Variants in PDE3B observed in about 807,000 individuals in gnomAD.
PDE3B encodes the protein cGMP-inhibited 3',5'-cyclic phosphodiesterase 3B.
In PDE3B, 66 loss-of-function variants were observed where a neutral mutation model predicts 116.8. The observed-to-expected ratio is 0.56, with a 90% confidence interval of 0.46 to 0.69. The LOEUF (loss-of-function observed/expected upper bound fraction) is 0.69, where lower values mean the gene tolerates loss of function less well. Ranked by LOEUF, PDE3B falls within the 30% of genes least tolerant of loss-of-function variation. The probability of loss-of-function intolerance (pLI) is 0.00; values close to 1 mark genes in which losing one functional copy is unlikely to be tolerated. For missense variants in PDE3B, 1,384 were observed against 1,368.1 expected, an observed-to-expected ratio of 1.01 and a Z score of -0.18; for synonymous variants, 595 against 533.6, an observed-to-expected ratio of 1.12 and a Z score of -1.59.
At chr11:14,745,127 G>T (rs1475475789) in intron 1 of PDE3B, among the ~76,000 whole-genome samples, 1 of 152,100 alleles carries the variant, frequency 6.6e-6, no homozygotes, top group Non-Finnish European at 1.5e-5. Flanking sequence ...ACCAGCCGAA[G>T]GTAGCTTTTT....
At chr11:14,847,011 C>G (rs1377909538) in intron 12 of PDE3B, among the ~76,000 whole-genome samples, 6 of 152,284 alleles carry the variant, frequency 3.9e-5, no homozygotes, top group Non-Finnish European at 8.8e-5. Context: ...CTACAGAACT[C>G]TCCACCCCAA....
intron 1 of PDE3B, among the ~76,000 whole-genome samples, chr11:14,729,282 T>A (rs1203316029): frequency 6.6e-6 from 1 of 152,246 alleles, no homozygotes; most frequent in Non-Finnish European, 1.5e-5. Context: ...TGTATTGTGA[T>A]TATTTCCTTC....
At chr11:14,734,844 A>T (rs1856555687) in intron 1 of PDE3B, among the ~76,000 whole-genome samples, 1 of 152,182 alleles carries the variant, frequency 6.6e-6, no homozygotes, top group South Asian at 2.1e-4. Context: ...CAATACAACC[A>T]CAAAAACCTT....
the PDE3B span, among the ~76,000 whole-genome samples, chr11:14,892,527 G>A: frequency 1.1e-4 from 17 of 152,194 alleles, no homozygotes; most frequent in Non-Finnish European, 2.4e-4. Context: ...CACTCACTGG[G>A]CTAGGCGGAT....
rs1555008279 is a variant in PDE3B, at chr11:14,867,605, G to A, written c.2986G>A (p.Val996Met). The A allele has an allele frequency of 5.0e-6, 8 of 1,614,080 alleles. No individual in the cohort carries two copies. The highest frequency in any genetic ancestry group is 6.8e-6 in the Non-Finnish European group (8 of 1,180,002). ...KLQESFITHIVGPLCNSYDAA... is the reference protein window; with the variant it reads ...KLQESFITHIMGPLCNSYDAA... Reference sequence around the variant, plus strand: ...CCAAGAATCTTTTATCACCCACATAGTGGGTCCCCTGTGTAACTCCTATGA... The same window carrying A: ...CCAAGAATCTTTTATCACCCACATAATGGGTCCCCTGTGTAACTCCTATGA... Residue 996 changes from valine to methionine, a missense_variant, in exon 15 of 16, where the codon GTG becomes ATG. By Grantham distance (21) the Val-to-Met change is conservative. Coordinates refer to ENST00000282096, the MANE Select transcript of PDE3B (RefSeq NM_000922.4).
chr11:14,695,327 A>G (rs1249024995), intron 1 of PDE3B, among the ~76,000 whole-genome samples: 1 of 152,116 alleles, frequency 6.6e-6, no homozygotes, highest in Non-Finnish European at 1.5e-5. Context: ...TGAATGGACC[A>G]CAATTTATTT....
At chr11:14,780,928 TAAA>T (rs898904200) in intron 2 of PDE3B, among the ~76,000 whole-genome samples, 1 of 151,512 alleles carries the variant, frequency 6.6e-6, no homozygotes, top group Non-Finnish European at 1.5e-5. Context: ...GCAAGACTAA[TAAA>T]GAAGAAAAGA....
rs559845671 is a variant in PDE3B, at chr11:14,831,878, A to G, written c.2094+101A>G. On this transcript the variant is annotated intron_variant, in intron 9 of 15. Transcript: ENST00000282096. ...GTAATGGTTTAAGCACTAGTTCAAC[A>G]ATGACATTGTTCATTATTTTTTTCA... is the stretch of plus-strand genomic sequence containing the variant. The G allele has an allele frequency of 7.2e-5, 50 of 697,604 alleles. No homozygotes were observed. In the African/African-American group the frequency reaches 8.9e-4, roughly 12 times the overall value. 43.2% of individuals were successfully genotyped at this position (697,604 alleles called of 1,614,324 possible).
chr11:14,822,882 C>T (rs1010744590), intron 7 of PDE3B, among the ~76,000 whole-genome samples: 31 of 152,342 alleles, frequency 2.0e-4, no homozygotes, highest in African/African-American at 7.2e-4. Context: ...CCACTGGTAG[C>T]AGTGTTGATG....
chr11:14,868,833 A>G (rs1346737522), intron 15 of PDE3B, among the ~76,000 whole-genome samples: 1 of 152,042 alleles, frequency 6.6e-6, no homozygotes, highest in Non-Finnish European at 1.5e-5. Flanking sequence ...ACTGACTTCT[A>G]AAAATTATAC....
chr11:14,847,165 T>G (rs1215035875), intron 12 of PDE3B, among the ~76,000 whole-genome samples: 3 of 152,102 alleles, frequency 2.0e-5, no homozygotes, highest in East Asian at 3.8e-4. Flanking sequence ...GCAATCAAAC[T>G]GGAACTCAGG....
intron 1 of PDE3B, among the ~76,000 whole-genome samples, chr11:14,717,870 C>A (rs1855958611): frequency 7.3e-6 from 1 of 136,402 alleles, no homozygotes; most frequent in Non-Finnish European, 1.6e-5. Context: ...AACTAATGAG[C>A]AAAATCACCA....
chr11:14,815,086 C>T (rs1421569289), intron 5 of PDE3B, among the ~76,000 whole-genome samples: 1 of 151,348 alleles, frequency 6.6e-6, no homozygotes, highest in Non-Finnish European at 1.5e-5. Flanking sequence ...GCAGTGAGCC[C>T]AGAGTGCACC....
At chr11:14,860,931 A>G (rs1435693880) in intron 13 of PDE3B, among the ~76,000 whole-genome samples, 1 of 152,050 alleles carries the variant, frequency 6.6e-6, no homozygotes, top group Non-Finnish European at 1.5e-5. Context: ...ACACACACAC[A>G]CACACATATA....
At chr11:14,808,510 AT>A (rs1171260482) in intron 5 of PDE3B, among the ~76,000 whole-genome samples, 1 of 152,220 alleles carries the variant, frequency 6.6e-6, no homozygotes, top group African/African-American at 2.4e-5. Flanking sequence ...TGTTTTAATA[AT>A]TATAAAGTAA....
At chr11:14,826,701 G>A (rs765031671) in intron 7 of PDE3B, among the ~76,000 whole-genome samples, 2 of 152,032 alleles carry the variant, frequency 1.3e-5, no homozygotes, top group Non-Finnish European at 2.9e-5. Flanking sequence ...CCTACCAGAT[G>A]TACAAAGAAG....
At chr11:14,818,773 G>A (rs966964514) in intron 6 of PDE3B, among the ~76,000 whole-genome samples, 2 of 151,812 alleles carry the variant, frequency 1.3e-5, no homozygotes, top group African/African-American at 2.4e-5. Flanking sequence ...GTCTCCATCT[G>A]AGCTAAAATA....
intron 2 of PDE3B, among the ~76,000 whole-genome samples, chr11:14,785,004 G>C (rs1472703273): frequency 6.6e-6 from 1 of 152,072 alleles, no homozygotes; most frequent in Non-Finnish European, 1.5e-5. Context: ...ACAATAATCA[G>C]AGAATTCAGA....
intron 12 of PDE3B, among the ~76,000 whole-genome samples, chr11:14,856,161 T>C (rs1389399829): frequency 6.6e-6 from 1 of 152,182 alleles, no homozygotes; most frequent in African/African-American, 2.4e-5. Flanking sequence ...AGTGGTAGTC[T>C]CCCCTGTGTG....
Sources: gnomAD v4.1 joint callset for allele counts (sites outside exome capture counted in the v4.1 genomes callset) on GRCh38, gnomAD v4.1.1 for gene constraint, MANE v1.5 for transcripts, NCBI Gene and HGNC (gene_info 2026-07-23, HGNC 2026-07-21) for gene names.